Variants in TMEM132C observed in about 807,000 individuals in gnomAD.
TMEM132C encodes protein phosphatase 1, regulatory subunit 152.
In TMEM132C, 29 loss-of-function variants were observed where a neutral mutation model predicts 61.4. That is an observed-to-expected ratio of 0.47 (90% confidence interval 0.35 to 0.64). The LOEUF (loss-of-function observed/expected upper bound fraction) is 0.64. Among genes scored for constraint, TMEM132C ranks in the 30% least tolerant of loss-of-function variants. The pLI, the probability that TMEM132C is intolerant of heterozygous loss-of-function variation, is 0.00. For synonymous variants in TMEM132C, 656 were observed against 633.1 expected, an observed-to-expected ratio of 1.04 and a Z score of -0.54; for missense variants, 1,408 against 1,476.9, an observed-to-expected ratio of 0.95 and a Z score of 0.76.
At chr12:128,527,164 A>T (rs979769728) in intron 2 of TMEM132C, among the ~76,000 whole-genome samples, 30 of 152,288 alleles carry the variant, frequency 2.0e-4, no homozygotes, top group African/African-American at 6.5e-4. Context: ...CAAGAATTGG[A>T]AAGCAACCAT....
chr12:128,395,993 A>T (rs207473506), intron 1 of TMEM132C, among the ~76,000 whole-genome samples: 3 of 152,214 alleles, frequency 2.0e-5, no homozygotes, highest in Admixed American at 6.5e-5. Context: ...CTGGATGGGT[A>T]GCAGCTTTGT....
chr12:128,362,311 T>A (rs1337361049), intron 1 of TMEM132C, among the ~76,000 whole-genome samples: 1 of 152,124 alleles, frequency 6.6e-6, no homozygotes, highest in Non-Finnish European at 1.5e-5. Flanking sequence ...TCATCACCCA[T>A]GAGTTCTTGC....
chr12:128,647,267 T>C (rs28679496), intron 4 of TMEM132C, among the ~76,000 whole-genome samples: 64 of 122,920 alleles, frequency 5.2e-4, no homozygotes, highest in Admixed American at 7.9e-4. Context: ...ATCCCATCAG[T>C]GTTGGATGTG....
At chr12:128,457,946 G>C (rs901042039) in intron 2 of TMEM132C, among the ~76,000 whole-genome samples, 10 of 152,106 alleles carry the variant, frequency 6.6e-5, no homozygotes, top group Non-Finnish European at 1.0e-4. Context: ...ATGACAGTGG[G>C]AGTTGTCAAA....
At chr12:128,482,271 C>T (rs760631160) in intron 2 of TMEM132C, among the ~76,000 whole-genome samples, 4 of 152,106 alleles carry the variant, frequency 2.6e-5, no homozygotes, top group Non-Finnish European at 4.4e-5. Context: ...ATAAGCTTTT[C>T]GATGTGCTCA....
rs1871170986 is a variant in TMEM132C at position 128,476,885 on chromosome 12, C to T, written c.974+61265C>T. 2.6e-5 allele frequency among the ~76,000 whole-genome samples: 4 copies of T among 152,330 alleles called. No individual in the cohort carries two copies. The South Asian group carries it at 8.3e-4, about 32-fold the overall frequency. ...GCAAGGAATTTTATTATACTTCCCA[C>T]GTTCTGTAGGAAAGTCTCAATTATC... On this transcript the variant is annotated intron_variant, in intron 2 of 8. Coordinates refer to ENST00000435159, the MANE Select transcript of TMEM132C (RefSeq NM_001136103.3).
chr12:128,330,780 C>T (rs868460762), intron 1 of TMEM132C, among the ~76,000 whole-genome samples: 2 of 152,082 alleles, frequency 1.3e-5, no homozygotes, highest in Non-Finnish European at 2.9e-5. Context: ...AAAATAGAAT[C>T]CATGAGTTTT....
intron 1 of TMEM132C, among the ~76,000 whole-genome samples, chr12:128,269,347 CGTGT>C (rs58843737): frequency 1.7e-4 from 24 of 143,140 alleles, no homozygotes; most frequent in Middle Eastern, 3.5e-3. Context: ...GCTCACATTC[CGTGT>C]GTGTGTGTGT....
chr12:128,600,493 C>T (rs1423857138), intron 3 of TMEM132C, among the ~76,000 whole-genome samples: 1 of 152,070 alleles, frequency 6.6e-6, no homozygotes, highest in African/African-American at 2.4e-5. Context: ...AGACTCATAC[C>T]CCTAATACAA....
Position 128,544,087 on chromosome 12 carries a change from C to T in TMEM132C, c.1105C>T (p.Pro369Ser), listed in dbSNP as rs1234778270. ...TATVACQRLG[P>S]SPRNRSSSLF... ...CACCGTGGCCTGCCAGCGCCTGGGG[C>T]CCAGCCCACGCAACAGGTAAGCGGT... is the stretch of plus-strand genomic sequence containing the variant. Residue 369 changes from proline to serine, a missense_variant, in exon 3 of 9, where the codon CCC (proline) becomes TCC (serine). Coordinates refer to ENST00000435159, the MANE Select transcript of TMEM132C (RefSeq NM_001136103.3). The T allele has an allele frequency of 2.6e-6, 4 of 1,538,938 alleles. No homozygotes were observed. Among genetic ancestry groups the T allele is most frequent in the Non-Finnish European group, 3.5e-6 (4 of 1,141,086 alleles).
chr12:128,698,638 G>A (rs1954782396), intron 8 of TMEM132C, among the ~76,000 whole-genome samples: 1 of 152,254 alleles, frequency 6.6e-6, no homozygotes, highest in Non-Finnish European at 1.5e-5. Context: ...TCCTGGGAAT[G>A]GCTGCTGTTA....
chr12:128,611,104 G>A (rs1410397713), intron 3 of TMEM132C, among the ~76,000 whole-genome samples: 1 of 152,218 alleles, frequency 6.6e-6, no homozygotes, highest in Admixed American at 6.5e-5. Context: ...ACTCCAAAAT[G>A]AGAGGGATTA....
chr12:128,683,167 C>T (rs1954648872), intron 5 of TMEM132C, among the ~76,000 whole-genome samples: 2 of 152,160 alleles, frequency 1.3e-5, no homozygotes, highest in Non-Finnish European at 2.9e-5. Flanking sequence ...CCTCTTCCAA[C>T]CCCCTTGTAA....
chr12:128,602,967 T>C (rs1452697739), intron 3 of TMEM132C, among the ~76,000 whole-genome samples: 1 of 152,250 alleles, frequency 6.6e-6, no homozygotes, highest in African/African-American at 2.4e-5. Context: ...CCAAGGTTAC[T>C]GGCTCCAAAC....
chr12:128,607,136 A>G (rs1422783071), intron 3 of TMEM132C, among the ~76,000 whole-genome samples: 1 of 152,196 alleles, frequency 6.6e-6, no homozygotes, highest in African/African-American at 2.4e-5. Context: ...GGAGGTTGAG[A>G]AAGCCTCCGG....
intron 1 of TMEM132C, among the ~76,000 whole-genome samples, chr12:128,317,766 T>G (rs939751574): frequency 1.3e-5 from 2 of 152,154 alleles, no homozygotes; most frequent in Non-Finnish European, 2.9e-5. Flanking sequence ...CCACCTGTAG[T>G]CCTAGCTACT....
chr12:128,589,339 G>A (rs1274187445), intron 3 of TMEM132C, among the ~76,000 whole-genome samples: 1 of 152,116 alleles, frequency 6.6e-6, no homozygotes, highest in African/African-American at 2.4e-5. Flanking sequence ...CTTTTCTGCA[G>A]CCTGCATCCC....
Position 128,280,413 on chromosome 12 carries a change from A to T in TMEM132C, c.85+12926A>T, listed in dbSNP as rs115852523. On this transcript the variant is annotated intron_variant, in intron 1 of 8. Transcript: ENST00000435159. ...GGGGCTCCTTCCTTGTAGACAAGAG[A>T]TTCTCAAAACTGACTACATTAAAGG... Among the ~76,000 whole-genome samples the T allele has an allele frequency of 6.6e-3, 999 of 152,306 alleles. 11 individuals carry two copies. The highest frequency in any genetic ancestry group is 0.022 in the African/African-American group (934 of 41,552).
intron 2 of TMEM132C, among the ~76,000 whole-genome samples, chr12:128,427,195 A>C (rs1869214534): frequency 6.6e-6 from 1 of 152,118 alleles, no homozygotes; most frequent in East Asian, 1.9e-4. Flanking sequence ...AAAGTCATTA[A>C]CTGAATTAAA....
Sources: gnomAD v4.1 joint callset for allele counts (sites outside exome capture counted in the v4.1 genomes callset) on GRCh38, gnomAD v4.1.1 for gene constraint, MANE v1.5 for transcripts, NCBI Gene and HGNC (gene_info 2026-07-23, HGNC 2026-07-21) for gene names.